The following NXN variants were observed in gnomAD, a reference collection of about 807,000 sequenced individuals.
NXN encodes nucleoredoxin 1.
A neutral mutation model predicts 48.6 loss-of-function variants in NXN; 16 were observed. The observed-to-expected ratio is 0.33, with a 90% CI of 0.22 to 0.50. NXN has a LOEUF of 0.50. Ranked by LOEUF, NXN falls within the 20% of genes least tolerant of loss-of-function variation. The pLI is 0.98. For missense variants in NXN, 492 were observed against 605.5 expected, an observed-to-expected ratio of 0.81 and a Z score of 1.97; for synonymous variants, 281 against 269.6, an observed-to-expected ratio of 1.04 and a Z score of -0.41.
intron 1 of NXN, among the ~76,000 whole-genome samples, chr17:902,240 C>T (rs377667750): frequency 5.3e-5 from 8 of 152,218 alleles, no homozygotes; most frequent in East Asian, 1.9e-4. Context: ...GTCCGCCGTC[C>T]GTTCCAGACA....
chr17:863,759 G>C, intron 1 of NXN: 1 of 606,964 alleles, frequency 1.6e-6, no homozygotes, highest in South Asian at 1.9e-5. Flanking sequence ...CTCTGCACCT[G>C]GCTGACACTG....
At chr17:812,844 G>A (rs369234973) in intron 5 of NXN, among the ~76,000 whole-genome samples, 2 of 145,120 alleles carry the variant, frequency 1.4e-5, no homozygotes, top group East Asian at 2.2e-4. Flanking sequence ...GTGAGTGTAG[G>A]TGTGTGCATG....
intron 1 of NXN, among the ~76,000 whole-genome samples, chr17:834,499 C>T (rs942649959): frequency 6.6e-6 from 1 of 152,054 alleles, no homozygotes; most frequent in Non-Finnish European, 1.5e-5. Context: ...ACTGCAACCT[C>T]CACCTCCTGG....
chr17:805,318 G>A (rs939461296), intron 5 of NXN, 71 bp from the exon 6 acceptor site: 24 of 1,491,646 alleles, frequency 1.6e-5, no homozygotes, highest in Non-Finnish European at 2.1e-5. Context: ...AGGCTCGCGG[G>A]GTCCAGCCCG....
chr17:968,126 C>T (rs544088132), intron 1 of NXN, among the ~76,000 whole-genome samples: 15 of 125,604 alleles, frequency 1.2e-4, no homozygotes, highest in African/African-American at 4.7e-4. Flanking sequence ...AATGAGATGA[C>T]GGCTGGGACT....
At position 979,215 on chromosome 17, in the gene NXN, G is replaced by A. The variant is rs1233417389; in HGVS notation, c.360+104C>T. On this transcript the variant is annotated intron_variant, in intron 1 of 7. Coordinates refer to ENST00000336868, the MANE Select transcript of NXN (RefSeq NM_022463.5). ...GGTCGGGGGGTGGAGGGCGGGCAGG[G>A]GGACAACGGGGTTGGCGGAGGGCAG... The A allele has an allele frequency of 4.3e-6, 3 of 694,788 alleles. No individual in the cohort carries two copies. In the East Asian group the frequency reaches 2.0e-4, roughly 46 times the overall value. The allele number at this position is 694,788 out of a possible 1,614,324, so 43.0% of individuals were successfully genotyped here.
rs2068721831 is a variant in NXN at position 919,321 on chromosome 17, C to CCA, written c.360+59996_360+59997dup. Among the ~76,000 whole-genome samples the CCA allele has an allele frequency of 6.6e-6, 1 of 152,092 alleles. No homozygotes were observed. Among genetic ancestry groups the CCA allele is most frequent in the African/African-American group, 2.4e-5 (1 of 41,424 alleles). Reference sequence around the variant, plus strand: ...GAGGTTGCAGTGAGCCGAGATTGTGCCACTGTACTCCAGCCTGGTGACAGA... The same window carrying CCA: ...GAGGTTGCAGTGAGCCGAGATTGTGCCACACTGTACTCCAGCCTGGTGACAGA... On this transcript the variant is annotated intron_variant, in intron 1 of 7. Transcript: ENST00000336868. This position sits in a 1 kb window ranked among gnomAD's most constrained non-coding sequence, Gnocchi z 5.1.
intron 3 of NXN, 94 bp from the exon 4 acceptor site, chr17:822,551 G>C (rs1473271384): frequency 7.1e-6 from 6 of 848,718 alleles, no homozygotes; most frequent in Non-Finnish European, 9.7e-6. Context: ...GACTCAAGCA[G>C]GACTGGGACA....
chr17:883,280 C>T (rs1050824430), intron 1 of NXN, among the ~76,000 whole-genome samples: 1 of 152,180 alleles, frequency 6.6e-6, no homozygotes, highest in Non-Finnish European at 1.5e-5. Flanking sequence ...ACGATGCTGA[C>T]TGTCTCTTAC....
intron 1 of NXN, among the ~76,000 whole-genome samples, chr17:828,403 C>CTTTTTT (rs745596555): frequency 3.4e-5 from 3 of 88,878 alleles, no homozygotes; most frequent in Non-Finnish European, 6.2e-5. Flanking sequence ...CGTGCCTGGC[C>CTTTTTT]TTTTTTTTTT....
At chr17:867,051 C>G (rs1005973884) in intron 1 of NXN, among the ~76,000 whole-genome samples, 1 of 130,598 alleles carries the variant, frequency 7.7e-6, no homozygotes, top group Non-Finnish European at 1.6e-5. Flanking sequence ...CCAGCTTGGT[C>G]AGCAAGTTCT....
At chr17:815,057 T>C (rs1281907745) in intron 5 of NXN, among the ~76,000 whole-genome samples, 2 of 152,228 alleles carry the variant, frequency 1.3e-5, no homozygotes, top group Non-Finnish European at 2.9e-5. Flanking sequence ...TGAGCCACCA[T>C]GCCTAGGCAG....
chr17:833,140 C>G (rs1321336395), intron 1 of NXN, among the ~76,000 whole-genome samples: 1 of 152,168 alleles, frequency 6.6e-6, no homozygotes, highest in Non-Finnish European at 1.5e-5. Context: ...ATCCGCCCAC[C>G]TCAGCCTCCC....
At chr17:831,234 C>T (rs751014434) in intron 1 of NXN, among the ~76,000 whole-genome samples, 3 of 151,772 alleles carry the variant, frequency 2.0e-5, no homozygotes, top group Admixed American at 6.6e-5. Flanking sequence ...CAAGGGGGAG[C>T]GGATCACCCG....
chr17:918,066 T>C (rs1218680221), intron 1 of NXN, among the ~76,000 whole-genome samples: 2 of 152,188 alleles, frequency 1.3e-5, no homozygotes, highest in East Asian at 1.9e-4. Context: ...AAAAGTTGTG[T>C]GTCTAAACCA....
At chr17:891,745 C>CTAACCCCA (rs1206792123) in intron 1 of NXN, among the ~76,000 whole-genome samples, 1 of 151,212 alleles carries the variant, frequency 6.6e-6, no homozygotes, top group Non-Finnish European at 1.5e-5. Context: ...CCATGCACAG[C>CTAACCCCA]CCATCAGGGA....
intron 1 of NXN, 53 bp from the exon 2 acceptor site, chr17:826,131 A>G (rs1307127727): frequency 1.6e-6 from 2 of 1,224,878 alleles, no homozygotes; most frequent in East Asian, 2.3e-5. Context: ...GATTCATTGC[A>G]GAGTTCTTTT....
intron 1 of NXN, among the ~76,000 whole-genome samples, chr17:893,621 G>C (rs1238898001): frequency 0.011 from 1,020 of 91,058 alleles, 5 homozygotes; most frequent in Admixed American, 0.015. Flanking sequence ...GCATCTCAAT[G>C]CCCTGGAAGC....
chr17:868,782 G>A (rs962275707), intron 1 of NXN, among the ~76,000 whole-genome samples: 9 of 152,132 alleles, frequency 5.9e-5, no homozygotes, highest in South Asian at 2.1e-4. Flanking sequence ...GTGAGCCACC[G>A]CACCCGGTCG....
Sources: gnomAD v4.1 joint callset for allele counts (sites outside exome capture counted in the v4.1 genomes callset) on GRCh38, gnomAD v4.1.1 for gene constraint, Gnocchi (gnomAD v3.1) non-coding constraint, MANE v1.5 for transcripts, NCBI Gene and HGNC (gene_info 2026-07-23, HGNC 2026-07-21) for gene names.